Variants in DLG2 observed in about 807,000 individuals in gnomAD.
DLG2 encodes the protein discs large MAGUK scaffold protein 2, also known as disks large homolog 2.
A neutral mutation model predicts 132.5 loss-of-function variants in DLG2; 45 were observed. The observed-to-expected ratio is 0.34, with a 90% CI of 0.27 to 0.44. DLG2 has a LOEUF of 0.44. Among genes scored for constraint, DLG2 ranks in the 20% least tolerant of loss-of-function variants. The pLI, the probability that DLG2 is intolerant of heterozygous loss-of-function variation, is 1.00. For synonymous variants in DLG2, 424 were observed against 419.6 expected (o/e 1.01, Z -0.13); for missense variants, 1,045 against 1,196.9 (o/e 0.87, Z 1.87).
In DLG2 at chr11:85,076,370, A is replaced by G. The variant is rs548484944; in HGVS notation, c.357+35291T>C. Among the ~76,000 whole-genome samples, 3 of 152,110 alleles carry G rather than the reference A, an allele frequency of 2.0e-5. No individual in the cohort carries two copies. The East Asian group carries it at 5.8e-4, about 30-fold the overall frequency. On this transcript the variant is annotated intron_variant, in intron 6 of 27. Transcript: ENST00000376104. The stretch of plus-strand genomic sequence containing the variant: ...CCTAAAAAATGGGTACATGCTGGCA[A>G]ACACTTCCTGATGAGTTCAATTTTC...
intron 15 of DLG2, among the ~76,000 whole-genome samples, chr11:83,876,678 CAACAGCTTGCAA>C (rs144340743): frequency 0.017 from 2,548 of 152,124 alleles, 72 homozygotes; most frequent in African/African-American, 0.059. Flanking sequence ...TTTCAGAAAT[CAACAGCTTGCAA>C]ATGTGGAGCC....
At chr11:85,157,779 C>A (rs1215599705) in intron 4 of DLG2, among the ~76,000 whole-genome samples, 1 of 152,150 alleles carries the variant, frequency 6.6e-6, no homozygotes, top group South Asian at 2.1e-4. Flanking sequence ...GAATGGGACC[C>A]TGCAACTTGG....
chr11:84,009,115 T>A (rs758772504), intron 11 of DLG2, among the ~76,000 whole-genome samples: 2 of 151,984 alleles, frequency 1.3e-5, no homozygotes, highest in Non-Finnish European at 2.9e-5. Context: ...GATTTTTGAT[T>A]CCTCTAGCTT....
chr11:84,491,229 G>A (rs1252780143), intron 7 of DLG2, among the ~76,000 whole-genome samples: 2 of 152,050 alleles, frequency 1.3e-5, no homozygotes, highest in African/African-American at 2.4e-5. Flanking sequence ...GGACCTGGTG[G>A]GAGATAAGTG....
intron 21 of DLG2, among the ~76,000 whole-genome samples, chr11:83,528,152 G>C (rs2095653620): frequency 6.6e-6 from 1 of 152,074 alleles, no homozygotes; most frequent in East Asian, 1.9e-4. Flanking sequence ...GCATAGGTTG[G>C]ACTTATCTAG....
intron 6 of DLG2, among the ~76,000 whole-genome samples, chr11:84,642,775 A>G (rs2099669333): frequency 6.6e-6 from 1 of 152,186 alleles, no homozygotes; most frequent in African/African-American, 2.4e-5. Flanking sequence ...TTTCAATATA[A>G]TGTGCATTGA....
Position 84,934,533 on chromosome 11 carries a change from T to G in DLG2, c.357+177128A>C, listed in dbSNP as rs531464616. On this transcript the variant is annotated intron_variant, in intron 6 of 27. Transcript: ENST00000376104. ...TTTTTTTGTTTTGTTTTGTTTTTTT[T>G]TTTTTTTTTTTTTGGTGGGTAGGCT... is the stretch of plus-strand genomic sequence containing the variant. Among the ~76,000 whole-genome samples the G allele has an allele frequency of 1.3e-4, 18 of 135,884 alleles. 1 individual carries two copies. Among genetic ancestry groups the G allele is most frequent in the South Asian group, 1.2e-3 (5 of 4,082 alleles). 89.1% of individuals were successfully genotyped at this position (135,884 alleles called of 152,430 possible). A position where few individuals can be genotyped will look rare whatever the true frequency, so the allele number is the denominator to read the frequency against.
chr11:85,352,314 G>A (rs550653320), intron 3 of DLG2, among the ~76,000 whole-genome samples: 1 of 151,956 alleles, frequency 6.6e-6, no homozygotes, highest in East Asian at 1.9e-4. Context: ...TTCTTTATTA[G>A]TCTAGCTAGT....
chr11:85,559,072 G>C (rs898907054), intron 3 of DLG2, among the ~76,000 whole-genome samples: 6 of 151,632 alleles, frequency 4.0e-5, no homozygotes, highest in African/African-American at 1.5e-4. Flanking sequence ...GTGATGTTAT[G>C]AAATGAATTG....
chr11:84,749,339 T>A (rs1189235554), intron 6 of DLG2, among the ~76,000 whole-genome samples: 2 of 152,282 alleles, frequency 1.3e-5, no homozygotes, highest in Non-Finnish European at 1.5e-5. Flanking sequence ...AGAACCTCTA[T>A]AGCCACCCCT....
intron 6 of DLG2, among the ~76,000 whole-genome samples, chr11:84,645,639 T>G (rs564177244): frequency 1.4e-4 from 21 of 152,216 alleles, no homozygotes; most frequent in African/African-American, 4.6e-4. Flanking sequence ...GGCTAATTTT[T>G]TGTATTTTTA....
intron 11 of DLG2, among the ~76,000 whole-genome samples, chr11:84,017,735 T>C (rs1315017570): frequency 2.0e-5 from 3 of 152,086 alleles, no homozygotes; most frequent in African/African-American, 2.4e-5. Context: ...GTGGTCTCTA[T>C]CGTCTTAAAG....
chr11:83,725,072 C>T, intron 18 of DLG2: 1 of 565,746 alleles, frequency 1.8e-6, no homozygotes. Flanking sequence ...GTTTGAGATG[C>T]TTTGCAACAC....
At chr11:84,484,089 C>T (rs1231723480) in intron 7 of DLG2, among the ~76,000 whole-genome samples, 1 of 152,182 alleles carries the variant, frequency 6.6e-6, no homozygotes, top group Non-Finnish European at 1.5e-5. Context: ...CAGGTATATT[C>T]ACCAATATCC....
At chr11:84,910,395 C>G in intron 6 of DLG2, among the ~76,000 whole-genome samples, 1 of 152,086 alleles carries the variant, frequency 6.6e-6, no homozygotes, top group East Asian at 1.9e-4. Flanking sequence ...TAGTCAAATG[C>G]TTTCCTAGAA....
At chr11:84,802,792 ATCTTT>A (rs1283824845) in intron 6 of DLG2, among the ~76,000 whole-genome samples, 2 of 152,150 alleles carry the variant, frequency 1.3e-5, no homozygotes, top group East Asian at 3.9e-4. Flanking sequence ...CTTTTTCCTC[ATCTTT>A]TCTTTTCTTT....
intron 6 of DLG2, among the ~76,000 whole-genome samples, chr11:84,646,769 C>G (rs1430191143): frequency 6.6e-6 from 1 of 151,758 alleles, no homozygotes; most frequent in Non-Finnish European, 1.5e-5. Context: ...CTGAATTATA[C>G]TGTGGGTTTC....
intron 6 of DLG2, among the ~76,000 whole-genome samples, chr11:84,945,823 A>G (rs1218396966): frequency 4.6e-5 from 7 of 152,246 alleles, no homozygotes; most frequent in African/African-American, 1.4e-4. Flanking sequence ...GGTCATGTGC[A>G]TCCGACATCT....
intron 6 of DLG2, among the ~76,000 whole-genome samples, chr11:84,811,379 T>C (rs1385210249): frequency 1.3e-5 from 2 of 152,164 alleles, no homozygotes. Context: ...TAGGAGAAAG[T>C]GCAATAAGGA....
Sources: gnomAD v4.1 joint callset for allele counts (sites outside exome capture counted in the v4.1 genomes callset) on GRCh38, gnomAD v4.1.1 for gene constraint, MANE v1.5 for transcripts, NCBI Gene and HGNC (gene_info 2026-07-23, HGNC 2026-07-21) for gene names.